The following CHCHD3 variants were observed in gnomAD, a reference collection of about 807,000 sequenced individuals.
CHCHD3 encodes MICOS complex subunit MIC19.
A neutral mutation model predicts 38.2 loss-of-function variants in CHCHD3; 20 were observed. The ratio of observed to expected loss-of-function variants is 0.52; its 90% CI spans 0.37 to 0.76. The LOEUF is 0.76. Ranked by LOEUF, CHCHD3 falls within the 30% of genes least tolerant of loss-of-function variation. The pLI is 0.00. For missense variants in CHCHD3, 245 were observed against 279.2 expected, an observed-to-expected ratio of 0.88 and a Z score of 0.87; for synonymous variants, 82 against 100.0, an observed-to-expected ratio of 0.82 and a Z score of 1.07.
At chr7:132,997,930 TC>T (rs1381245242) in intron 3 of CHCHD3, among the ~76,000 whole-genome samples, 1 of 152,044 alleles carries the variant, frequency 6.6e-6, no homozygotes, top group Non-Finnish European at 1.5e-5. Flanking sequence ...CATATTCAAC[TC>T]CCGGTTAAAA....
chr7:132,868,404 A>G (rs1050150201), intron 5 of CHCHD3, among the ~76,000 whole-genome samples: 2 of 152,192 alleles, frequency 1.3e-5, no homozygotes, highest in African/African-American at 2.4e-5. Flanking sequence ...GGCATTCTCT[A>G]AACTCAGAAT....
chr7:132,839,335 A>G (rs1026901741), intron 5 of CHCHD3, among the ~76,000 whole-genome samples: 2 of 152,222 alleles, frequency 1.3e-5, no homozygotes, highest in African/African-American at 4.8e-5. Flanking sequence ...TGTTTCCACT[A>G]TGAACAGGAA....
chr7:132,977,093 G>C (rs1811786512), intron 3 of CHCHD3, among the ~76,000 whole-genome samples: 1 of 152,144 alleles, frequency 6.6e-6, no homozygotes, highest in Non-Finnish European at 1.5e-5. Flanking sequence ...AATAAATTCA[G>C]CAACATCAAT....
At chr7:133,031,733 G>A (rs1183799492) in intron 2 of CHCHD3, among the ~76,000 whole-genome samples, 1 of 152,058 alleles carries the variant, frequency 6.6e-6, no homozygotes, top group Non-Finnish European at 1.5e-5. Flanking sequence ...ACACACTAAA[G>A]AGAAACCATG....
intron 1 of CHCHD3, among the ~76,000 whole-genome samples, chr7:133,072,576 G>T (rs1031775889): frequency 6.6e-6 from 1 of 151,998 alleles, no homozygotes; most frequent in Non-Finnish European, 1.5e-5. Context: ...ATGGTGGCTC[G>T]CATCTGTAAT....
At chr7:133,009,431 C>G (rs1473203613) in intron 3 of CHCHD3, among the ~76,000 whole-genome samples, 1 of 148,946 alleles carries the variant, frequency 6.7e-6, no homozygotes, top group Non-Finnish European at 1.5e-5. Context: ...TCCCAGGAAG[C>G]TCTGGGCTTT....
Position 132,923,226 on chromosome 7 carries a change from A to G in CHCHD3, c.370-37481T>C, listed in dbSNP as rs150885919. On this transcript the variant is annotated intron_variant, in intron 4 of 7. Coordinates refer to ENST00000262570, the MANE Select transcript of CHCHD3 (RefSeq NM_017812.4). Reference sequence around the variant, plus strand: ...AATAGGCCCTTCTAATAATTTTTTAATTTAGATTCAAAAAGGACATGAATA... The same window carrying G: ...AATAGGCCCTTCTAATAATTTTTTAGTTTAGATTCAAAAAGGACATGAATA... Among the ~76,000 whole-genome samples the G allele has an allele frequency of 5.9e-5, 9 of 152,290 alleles. No individual in the cohort carries two copies. In the East Asian group the frequency reaches 1.7e-3, roughly 29 times the overall value.
intron 6 of CHCHD3, among the ~76,000 whole-genome samples, chr7:132,832,822 C>T (rs1015555481): frequency 6.6e-6 from 1 of 152,126 alleles, no homozygotes; most frequent in Admixed American, 6.6e-5. Context: ...AACAGGAGGC[C>T]GGCAGCACTC....
intron 5 of CHCHD3, among the ~76,000 whole-genome samples, chr7:132,849,745 T>G (rs985146337): frequency 1.3e-5 from 2 of 151,964 alleles, no homozygotes; most frequent in Non-Finnish European, 2.9e-5. Flanking sequence ...TTAAAGGGAG[T>G]TGATCTAAGC....
intron 1 of CHCHD3, among the ~76,000 whole-genome samples, chr7:133,073,015 CT>C (rs1789895582): frequency 6.6e-6 from 1 of 152,062 alleles, no homozygotes; most frequent in Non-Finnish European, 1.5e-5. Context: ...CACTCTCTGG[CT>C]TTTACCCTCA....
intron 5 of CHCHD3, among the ~76,000 whole-genome samples, chr7:132,850,931 T>C (rs1808206502): frequency 6.6e-6 from 1 of 152,190 alleles, no homozygotes; most frequent in South Asian, 2.1e-4. Flanking sequence ...CTTAAGTTAG[T>C]TGTGATCTTA....
At chr7:132,934,314 G>A (rs1585652198) in intron 4 of CHCHD3, among the ~76,000 whole-genome samples, 1 of 152,114 alleles carries the variant, frequency 6.6e-6, no homozygotes. Flanking sequence ...CTGAGTTACA[G>A]GCCTTTCACA....
At chr7:132,850,192 A>T (rs1808178695) in intron 5 of CHCHD3, among the ~76,000 whole-genome samples, 1 of 152,182 alleles carries the variant, frequency 6.6e-6, no homozygotes, top group Non-Finnish European at 1.5e-5. Context: ...GAACAGGAAG[A>T]ATTAAAAAAT....
chr7:132,919,015 C>T (rs1810189701), intron 4 of CHCHD3, among the ~76,000 whole-genome samples: 1 of 148,166 alleles, frequency 6.7e-6, no homozygotes, highest in African/African-American at 2.5e-5. Flanking sequence ...GAGGTAGATT[C>T]TGTGAAGGTC....
intron 2 of CHCHD3, among the ~76,000 whole-genome samples, chr7:133,026,129 G>A (rs1006945886): frequency 1.3e-5 from 2 of 152,094 alleles, no homozygotes; most frequent in African/African-American, 2.4e-5. Context: ...CAAGGGACTC[G>A]TATCCAGAGT....
intron 3 of CHCHD3, among the ~76,000 whole-genome samples, chr7:132,975,884 T>C (rs944537142): frequency 4.0e-5 from 6 of 148,784 alleles, no homozygotes; most frequent in Non-Finnish European, 8.9e-5. Flanking sequence ...TGAGCTGAGA[T>C]CATGCCACTG....
intron 3 of CHCHD3, among the ~76,000 whole-genome samples, chr7:132,996,771 T>C (rs924331107): frequency 1.3e-5 from 2 of 152,140 alleles, no homozygotes; most frequent in Non-Finnish European, 2.9e-5. Context: ...CTCACCAGGC[T>C]TTCGAAACGG....
In CHCHD3 at chr7:132,995,762, T is replaced by A. The variant is rs568178923; in HGVS notation, c.252-20476A>T. ...ATCAGGCCTATGTGCTCCTTCATTT[T>A]CTCACTCCATTCATTTTTTTATTTT... is the stretch of plus-strand genomic sequence containing the variant. On this transcript the variant is annotated intron_variant, in intron 3 of 7. Coordinates refer to ENST00000262570, the MANE Select transcript of CHCHD3 (RefSeq NM_017812.4). Among the ~76,000 whole-genome samples, 206 of 152,310 alleles carry A rather than the reference T, an allele frequency of 1.4e-3. 12 individuals are homozygous for A. In the South Asian group the frequency reaches 0.041, roughly 30 times the overall value.
chr7:133,033,818 T>C (rs1397318701), intron 2 of CHCHD3, among the ~76,000 whole-genome samples: 3 of 152,146 alleles, frequency 2.0e-5, no homozygotes, highest in Non-Finnish European at 2.9e-5. Context: ...GTAATCAAAA[T>C]TACTCTCTGC....
Sources: allele counts gnomAD v4.1 joint callset (sites outside exome capture counted in the v4.1 genomes callset), GRCh38; gene constraint gnomAD v4.1.1; transcripts MANE v1.5; gene names NCBI Gene and HGNC (gene_info 2026-07-23, HGNC 2026-07-21).